HTR4: variants seen among roughly 807,000 people sequenced by gnomAD.
HTR4 encodes 5-hydroxytryptamine receptor 4, also known as 5-hydroxytryptamine (serotonin) receptor 4, G protein-coupled.
HTR4 carries 16 observed loss-of-function variants against 36.8 expected under a neutral mutation model. The ratio of observed to expected loss-of-function variants is 0.43; its 90% CI spans 0.29 to 0.66. The LOEUF (loss-of-function observed/expected upper bound fraction) is 0.66, where lower values mean the gene tolerates loss of function less well. HTR4 is among the 30% of genes least tolerant of loss of function. The pLI, the probability that HTR4 is intolerant of heterozygous loss-of-function variation, is 0.13. For missense variants in HTR4, 438 were observed against 490.9 expected, an observed-to-expected ratio of 0.89 and a Z score of 1.02; for synonymous variants, 189 against 185.1, an observed-to-expected ratio of 1.02 and a Z score of -0.17.
At chr5:148,597,488 C>G (rs147521965) in intron 2 of HTR4, among the ~76,000 whole-genome samples, 73 of 152,224 alleles carry the variant, frequency 4.8e-4, no homozygotes, top group African/African-American at 1.7e-3. Context: ...GTCCCTAATG[C>G]CTGTCTCATT....
At chr5:148,568,696 C>T (rs571300327) in intron 2 of HTR4, among the ~76,000 whole-genome samples, 1 of 152,240 alleles carries the variant, frequency 6.6e-6, no homozygotes, top group East Asian at 1.9e-4. Flanking sequence ...TGAAAGCATA[C>T]TCTCAGGACT....
chr5:148,543,639 A>C (rs568294256), intron 4 of HTR4, among the ~76,000 whole-genome samples: 19 of 152,192 alleles, frequency 1.2e-4, no homozygotes, highest in Non-Finnish European at 2.1e-4. Context: ...GTGGAAGTGG[A>C]TATTGAAAGA....
intron 1 of HTR4, among the ~76,000 whole-genome samples, chr5:148,648,916 G>C (rs1016994342): frequency 2.6e-5 from 4 of 152,158 alleles, no homozygotes; most frequent in Admixed American, 6.5e-5. Context: ...CTGGAGCCAA[G>C]TTCCTTAACT....
intron 5 of HTR4, chr5:148,521,110 A>T: frequency 9.6e-7 from 1 of 1,043,324 alleles, no homozygotes; most frequent in Non-Finnish European, 1.3e-6. Context: ...CCACTTCTAC[A>T]GCAAGTGCCT....
At chr5:148,590,445 C>T (rs537057224) in intron 2 of HTR4, among the ~76,000 whole-genome samples, 10 of 151,620 alleles carry the variant, frequency 6.6e-5, no homozygotes, top group South Asian at 2.1e-4. Flanking sequence ...TATAGGCATG[C>T]GCCACCATGC....
At chr5:148,587,247 T>C (rs1761381997) in intron 2 of HTR4, among the ~76,000 whole-genome samples, 1 of 152,226 alleles carries the variant, frequency 6.6e-6, no homozygotes, top group South Asian at 2.1e-4. Flanking sequence ...ATATTTATAG[T>C]CGCATAGGGT....
downstream of HTR4, among the ~76,000 whole-genome samples, chr5:148,480,249 C>G (rs989499607): frequency 1.3e-5 from 2 of 152,100 alleles, no homozygotes; most frequent in African/African-American, 4.8e-5. Flanking sequence ...TGTGAATAAC[C>G]AAATCCTTTT....
intron 2 of HTR4, chr5:148,629,406 C>T (rs1369692847): frequency 2.0e-5 from 3 of 152,162 alleles, no homozygotes; most frequent in African/African-American, 7.2e-5. Flanking sequence ...GGAAGGCATA[C>T]TCTTCTCACT....
At chr5:148,536,813 A>C (rs1207443088) in intron 4 of HTR4, among the ~76,000 whole-genome samples, 2 of 152,182 alleles carry the variant, frequency 1.3e-5, no homozygotes, top group African/African-American at 4.8e-5. Context: ...CTTCATTGAC[A>C]GCACTAGACA....
At chr5:148,518,450 C>T (rs961388522) in intron 5 of HTR4, among the ~76,000 whole-genome samples, 4 of 152,158 alleles carry the variant, frequency 2.6e-5, no homozygotes, top group Non-Finnish European at 2.9e-5. Flanking sequence ...CCTCAAATTG[C>T]TATCATCCTA....
At chr5:148,602,168 T>C (rs1401567650) in intron 2 of HTR4, among the ~76,000 whole-genome samples, 1 of 151,972 alleles carries the variant, frequency 6.6e-6, no homozygotes, top group African/African-American at 2.4e-5. Context: ...ATAAATCGGG[T>C]TGGGGAAAAG....
chr5:148,574,675 G>A (rs577869681), intron 2 of HTR4, among the ~76,000 whole-genome samples: 1 of 152,182 alleles, frequency 6.6e-6, no homozygotes, highest in East Asian at 1.9e-4. Flanking sequence ...ATCTTTCAAA[G>A]CTGACCTCAT....
At chr5:148,539,270 C>A (rs113145004) in intron 4 of HTR4, among the ~76,000 whole-genome samples, 2,006 of 152,160 alleles carry the variant, frequency 0.013, 42 homozygotes, top group African/African-American at 0.045. Flanking sequence ...ACTATAAAAA[C>A]TCTGGAAGAG....
At chr5:148,564,109 G>A in intron 2 of HTR4, among the ~76,000 whole-genome samples, 1 of 152,122 alleles carries the variant, frequency 6.6e-6, no homozygotes, top group East Asian at 1.9e-4. Flanking sequence ...TGATACAATA[G>A]CACATCTTGA....
intron 2 of HTR4, among the ~76,000 whole-genome samples, chr5:148,627,969 C>G (rs1753180245): frequency 6.6e-6 from 1 of 152,238 alleles, no homozygotes; most frequent in African/African-American, 2.4e-5. Context: ...GCACACTGAA[C>G]AACTGTACGC....
intron 1 of HTR4, among the ~76,000 whole-genome samples, chr5:148,653,590 T>C (rs960689299): frequency 7.0e-6 from 1 of 143,488 alleles, no homozygotes; most frequent in Non-Finnish European, 1.5e-5. Context: ...AGACACACTA[T>C]CTTGTCTCTC....
intron 1 of HTR4, among the ~76,000 whole-genome samples, chr5:148,641,002 A>G (rs1753714400): frequency 6.6e-6 from 1 of 152,144 alleles, no homozygotes; most frequent in Non-Finnish European, 1.5e-5. Flanking sequence ...AGGAAGGAGG[A>G]GTTGATGATT....
intron 1 of HTR4, among the ~76,000 whole-genome samples, chr5:148,639,740 G>T (rs1753666844): frequency 6.6e-6 from 1 of 150,932 alleles, no homozygotes; most frequent in Admixed American, 6.6e-5. Context: ...GACATCTTCA[G>T]TGCCCTCGAG....
At chr5:148,539,741 G>A (rs1271436833) in intron 4 of HTR4, among the ~76,000 whole-genome samples, 1 of 151,900 alleles carries the variant, frequency 6.6e-6, no homozygotes, top group Non-Finnish European at 1.5e-5. Flanking sequence ...GCGAAGTTGA[G>A]GAAAAAAGGG....
Sources: gnomAD v4.1 joint callset for allele counts (sites outside exome capture counted in the v4.1 genomes callset) on GRCh38, gnomAD v4.1.1 for gene constraint, MANE v1.5 for transcripts, NCBI Gene and HGNC (gene_info 2026-07-23, HGNC 2026-07-21) for gene names.